Variants in ADGRV1 observed in about 807,000 individuals in gnomAD.
ADGRV1 encodes the protein G-protein coupled receptor 98.
Under a neutral mutation model 596.2 loss-of-function variants are expected in ADGRV1, and 359 were observed. The observed-to-expected ratio is 0.60, with a 90% confidence interval of 0.55 to 0.66. The LOEUF (loss-of-function observed/expected upper bound fraction) is 0.66, where lower values mean the gene tolerates loss of function less well. Ranked by LOEUF, ADGRV1 falls within the 30% of genes least tolerant of loss-of-function variation. ADGRV1 has a pLI of 0.00. For synonymous variants in ADGRV1, 2,681 were observed against 2,679.2 expected, an observed-to-expected ratio of 1.00 and a Z score of -0.02; for missense variants, 7,274 against 7,575.6, an observed-to-expected ratio of 0.96 and a Z score of 1.48.
chr5:90,814,511 G>A (rs1029100106), intron 74 of ADGRV1, among the ~76,000 whole-genome samples: 4 of 152,102 alleles, frequency 2.6e-5, no homozygotes, highest in African/African-American at 9.7e-5. Context: ...TGTCAAGGGT[G>A]GGATCTGGTG....
At chr5:90,946,061 G>A (rs1006129635) in intron 83 of ADGRV1, among the ~76,000 whole-genome samples, 8 of 152,078 alleles carry the variant, frequency 5.3e-5, no homozygotes, top group Admixed American at 3.3e-4. Context: ...ATATGATCAA[G>A]GATTATCTTC....
chr5:90,851,134 T>TGTGTGAGAGAGAGAGAGA (rs757909771), intron 79 of ADGRV1, among the ~76,000 whole-genome samples: 1 of 81,508 alleles, frequency 1.2e-5, no homozygotes, highest in Non-Finnish European at 2.6e-5. Context: ...TGTGTGTGTG[T>TGTGTGAGAGAGAGAGAGA]GAGAGAGAGA....
intron 86 of ADGRV1, among the ~76,000 whole-genome samples, chr5:91,079,282 C>T (rs1789127874): frequency 6.6e-6 from 1 of 152,176 alleles, no homozygotes; most frequent in African/African-American, 2.4e-5. Flanking sequence ...CCCACTCAAG[C>T]TTGAAAAAAT....
At chr5:90,592,114 G>C (rs1230065441) in intron 1 of ADGRV1, among the ~76,000 whole-genome samples, 1 of 152,214 alleles carries the variant, frequency 6.6e-6, no homozygotes, top group Non-Finnish European at 1.5e-5. Flanking sequence ...CCACTCCTGG[G>C]TATCAACCCA....
At chr5:90,994,207 C>T (rs1203354556) in intron 85 of ADGRV1, among the ~76,000 whole-genome samples, 1 of 151,928 alleles carries the variant, frequency 6.6e-6, no homozygotes, top group Admixed American at 6.6e-5. Flanking sequence ...GGATTACAGG[C>T]ACCCACCATG....
At chr5:90,744,945 A>G (rs537597184) in intron 50 of ADGRV1, 101 bp from the exon 51 acceptor site, 1 of 755,586 alleles carries the variant, frequency 1.3e-6, no homozygotes, top group Admixed American at 2.2e-5. Flanking sequence ...TCACAATGGA[A>G]CTTTGAGATT....
At chr5:90,883,977 C>T (rs1770040464) in intron 83 of ADGRV1, among the ~76,000 whole-genome samples, 1 of 152,162 alleles carries the variant, frequency 6.6e-6, no homozygotes, top group Non-Finnish European at 1.5e-5. Context: ...CTCATTACTT[C>T]CCTCCTTGTC....
intron 74 of ADGRV1, among the ~76,000 whole-genome samples, chr5:90,811,877 T>G (rs923140753): frequency 6.6e-6 from 1 of 152,068 alleles, no homozygotes; most frequent in African/African-American, 2.4e-5. Flanking sequence ...CTCATGTATC[T>G]TATGCAATCT....
intron 70 of ADGRV1, chr5:90,793,416 G>A (rs920902209): frequency 6.6e-6 from 1 of 152,108 alleles, no homozygotes; most frequent in African/African-American, 2.4e-5. Flanking sequence ...AGAAATAGCT[G>A]GTATCATTTT....
At chr5:90,558,964 G>A in intron 1 of ADGRV1, 47 bp downstream of exon 1, 1 of 1,526,806 alleles carries the variant, frequency 6.5e-7, no homozygotes, top group African/African-American at 1.4e-5. Context: ...CTGAGCCCCA[G>A]GGGAGCGCCT....
intron 73 of ADGRV1, among the ~76,000 whole-genome samples, chr5:90,808,085 A>T (rs1762080312): frequency 6.6e-6 from 1 of 152,230 alleles, no homozygotes; most frequent in South Asian, 2.1e-4. Context: ...TAAGAATAAG[A>T]TTAAGTAAGA....
intron 83 of ADGRV1, among the ~76,000 whole-genome samples, chr5:90,948,408 A>G (rs114703804): frequency 0.012 from 1,824 of 152,248 alleles, 9 homozygotes; most frequent in South Asian, 0.04. Flanking sequence ...GTATACCACA[A>G]TGATATACAA....
In ADGRV1 at chr5:90,853,324, T is replaced by C; in HGVS notation, c.17245T>C (p.Leu5749=). ...TGATAGTTGCCCATATTTGTCAATATTGGCTCTTCACTGGTATCCTCAGCA... is the reference window on the plus strand; with the variant it reads ...TGATAGTTGCCCATATTTGTCAATACTGGCTCTTCACTGGTATCCTCAGCA... ...ILDSCPYLSI[L]ALHWYPQQIN... The change falls in exon 80 of 90, where the codon TTG becomes CTG. Residue 5749 remains leucine, a synonymous_variant. Coordinates refer to ENST00000405460, the MANE Select transcript of ADGRV1 (RefSeq NM_032119.4). The C allele has an allele frequency of 3.1e-6, 5 of 1,612,700 alleles. No homozygotes were observed. The highest frequency in any genetic ancestry group is 1.3e-5 in the African/African-American group (1 of 75,020).
chr5:90,618,007 T>A (rs1451931403), intron 3 of ADGRV1, 54 bp downstream of exon 3: 1 of 1,374,850 alleles, frequency 7.3e-7, no homozygotes, highest in Non-Finnish European at 9.8e-7. Context: ...ATAAAACTTA[T>A]AAAAATCTTT....
chr5:90,844,840 A>G (rs1765728656), intron 78 of ADGRV1, among the ~76,000 whole-genome samples: 1 of 152,040 alleles, frequency 6.6e-6, no homozygotes, highest in Non-Finnish European at 1.5e-5. Context: ...CAGGTCTTCT[A>G]CTTGTTCGTA....
At chr5:91,111,779 A>G (rs1287900858) in intron 87 of ADGRV1, among the ~76,000 whole-genome samples, 2 of 152,158 alleles carry the variant, frequency 1.3e-5, no homozygotes, top group Non-Finnish European at 2.9e-5. Context: ...CTGGGACTCT[A>G]TCATTGATTT....
chr5:91,008,664 C>T (rs1169667801), intron 85 of ADGRV1, among the ~76,000 whole-genome samples: 3 of 151,858 alleles, frequency 2.0e-5, no homozygotes, highest in Non-Finnish European at 4.4e-5. Context: ...CCACCATGCC[C>T]GGCTAATTTT....
intron 78 of ADGRV1, among the ~76,000 whole-genome samples, chr5:90,845,611 T>TA (rs988153342): frequency 2.0e-5 from 3 of 152,080 alleles, no homozygotes; most frequent in Admixed American, 6.5e-5. Flanking sequence ...ATTTTTTTTT[T>TA]ACTCTTGAAA....
intron 86 of ADGRV1, among the ~76,000 whole-genome samples, chr5:91,089,425 TA>T (rs11403493): frequency 1.2e-4 from 18 of 149,946 alleles, no homozygotes; most frequent in African/African-American, 2.7e-4. Context: ...GCAAGGGAAG[TA>T]AAAAAAAAAT....
Sources: gnomAD v4.1 joint callset for allele counts (sites outside exome capture counted in the v4.1 genomes callset) on GRCh38, gnomAD v4.1.1 for gene constraint, MANE v1.5 for transcripts, NCBI Gene and HGNC (gene_info 2026-07-23, HGNC 2026-07-21) for gene names.